DENND1A: variants seen among roughly 807,000 people sequenced by gnomAD.
The protein encoded by DENND1A is DENN domain-containing protein 1A.
Under a neutral mutation model 113.7 loss-of-function variants are expected in DENND1A, and 51 were observed. The observed-to-expected ratio is 0.45, with a 90% CI of 0.36 to 0.57. The LOEUF is 0.57. Among genes scored for constraint, DENND1A ranks in the 20% least tolerant of loss-of-function variants. The pLI is 0.00. For missense variants in DENND1A, 1,258 were observed against 1,395.9 expected (o/e 0.90, Z 1.57); for synonymous variants, 565 against 570.8 (o/e 0.99, Z 0.14).
intron 11 of DENND1A, among the ~76,000 whole-genome samples, chr9:123,593,052 ATG>A (rs2059531499): frequency 6.6e-6 from 1 of 152,192 alleles, no homozygotes; most frequent in South Asian, 2.1e-4. Context: ...CTGTTAGAAA[ATG>A]TGTTTGTGAA....
At chr9:123,770,431 A>G (rs1381655110) in intron 3 of DENND1A, among the ~76,000 whole-genome samples, 1 of 152,226 alleles carries the variant, frequency 6.6e-6, no homozygotes, top group East Asian at 1.9e-4. Context: ...ACAGTGGTGT[A>G]TAACTTTCCC....
chr9:123,494,721 T>G (rs1564596699), intron 13 of DENND1A, among the ~76,000 whole-genome samples: 1 of 152,154 alleles, frequency 6.6e-6, no homozygotes. Flanking sequence ...AACTATTCAA[T>G]AAGCTCCTAA....
At chr9:123,807,745 T>C (rs73666291) in intron 2 of DENND1A, among the ~76,000 whole-genome samples, 11,684 of 152,276 alleles carry the variant, frequency 0.077, 904 homozygotes, top group African/African-American at 0.2. Flanking sequence ...CTTCATGGAA[T>C]GCCTATTCTG....
In DENND1A at chr9:123,449,833, G is replaced by A. The variant is rs1020345338; in HGVS notation, c.1356+860C>T. Among the ~76,000 whole-genome samples the A allele has an allele frequency of 3.9e-5, 6 of 152,132 alleles. No homozygotes were observed. In the East Asian group the frequency reaches 5.8e-4, roughly 15 times the overall value. On this transcript the variant is annotated intron_variant, in intron 18 of 23. Transcript: ENST00000394215. ...ATAAGAATGAGACAATAGACTTTGC[G>A]GACTCGGGGAAAGGCTGGGAAGGGG...
chr9:123,884,005 A>T (rs1848669534), intron 1 of DENND1A, among the ~76,000 whole-genome samples: 1 of 152,214 alleles, frequency 6.6e-6, no homozygotes, highest in Non-Finnish European at 1.5e-5. Context: ...CAAGTTATGT[A>T]ACATACCAAC....
chr9:123,536,374 G>T (rs2055770513), intron 13 of DENND1A, among the ~76,000 whole-genome samples: 1 of 151,524 alleles, frequency 6.6e-6, no homozygotes, highest in Non-Finnish European at 1.5e-5. Context: ...GGAGGCTGAG[G>T]CAGGAGAATT....
intron 9 of DENND1A, among the ~76,000 whole-genome samples, chr9:123,638,230 C>G (rs1225457100): frequency 6.6e-6 from 1 of 152,108 alleles, no homozygotes; most frequent in African/African-American, 2.4e-5. Context: ...AAAGCAGAAG[C>G]AGAAAACCAT....
At chr9:123,927,790 A>G (rs1214682679) in intron 1 of DENND1A, among the ~76,000 whole-genome samples, 2 of 152,130 alleles carry the variant, frequency 1.3e-5, no homozygotes, top group Non-Finnish European at 2.9e-5. Flanking sequence ...CTTAGATTTC[A>G]CCACAGCCAG....
rs943220435 is a variant in DENND1A at position 123,810,820 on chromosome 9, G to A, written c.89-18190C>T. Among the ~76,000 whole-genome samples, 15 of 149,800 alleles carry A rather than the reference G, an allele frequency of 1.0e-4. 1 individual carries two copies. The highest frequency in any genetic ancestry group is 1.0e-3 in the Admixed American group (15 of 15,016). On this transcript the variant is annotated intron_variant, in intron 2 of 23. Transcript: ENST00000394215. ...GTCACCCAGGCTGGAGTGCAGTGGT[G>A]CAATCTTGGCTCACTGCAACCTCTG... is the stretch of plus-strand genomic sequence containing the variant.
intron 10 of DENND1A, among the ~76,000 whole-genome samples, chr9:123,627,104 G>A (rs946364076): frequency 5.3e-5 from 8 of 152,174 alleles, no homozygotes; most frequent in African/African-American, 9.7e-5. Context: ...GAGGGCTCAG[G>A]GGTGACTGCA....
intron 2 of DENND1A, among the ~76,000 whole-genome samples, chr9:123,853,188 G>A (rs1843637435): frequency 6.6e-6 from 1 of 151,358 alleles, no homozygotes; most frequent in Non-Finnish European, 1.5e-5. Context: ...AAAGTGCTGG[G>A]ATTACAGGCA....
chr9:123,820,688 T>C (rs920609334), intron 2 of DENND1A, among the ~76,000 whole-genome samples: 2 of 152,230 alleles, frequency 1.3e-5, no homozygotes, highest in African/African-American at 4.8e-5. Context: ...AACTAAAAAT[T>C]AAATTTTTTT....
rs2061414661 is a variant in DENND1A, at chr9:123,630,204, C to CCTTT, written c.719+171_719+172insAAAG. Reference sequence around the variant, plus strand: ...TACAGATATGTGCCACCATGACTGGCTTTTTTTTTTTTTTTTTTTTTTGTA... The same window carrying CCTTT: ...TACAGATATGTGCCACCATGACTGGCCTTTTTTTTTTTTTTTTTTTTTTTTTGTA... On this transcript the variant is annotated intron_variant, in intron 10 of 23. Coordinates refer to ENST00000394215, the MANE Select transcript of DENND1A (RefSeq NM_001352964.2). Among the ~76,000 whole-genome samples the CCTTT allele has an allele frequency of 3.2e-5, 3 of 94,068 alleles. 1 individual carries two copies. The highest frequency in any genetic ancestry group is 3.8e-5 in the Non-Finnish European group (2 of 52,404). The allele number at this position is 94,068 out of a possible 152,430, so 61.7% of individuals were successfully genotyped here.
chr9:123,553,438 C>T (rs978216677), intron 13 of DENND1A, among the ~76,000 whole-genome samples: 8 of 151,566 alleles, frequency 5.3e-5, no homozygotes, highest in East Asian at 3.9e-4. Context: ...GATTCTGATC[C>T]GCGGCCAGGG....
chr9:123,468,512 T>G (rs1383307796), intron 13 of DENND1A, among the ~76,000 whole-genome samples: 1 of 152,194 alleles, frequency 6.6e-6, no homozygotes, highest in East Asian at 1.9e-4. Flanking sequence ...TTGGCCCTAT[T>G]TCTCACCAGC....
chr9:123,727,448 C>A (rs1232202864), intron 5 of DENND1A, among the ~76,000 whole-genome samples: 1 of 152,148 alleles, frequency 6.6e-6, no homozygotes, highest in Non-Finnish European at 1.5e-5. Flanking sequence ...AAATCTAACC[C>A]ACCTATCCAG....
intron 5 of DENND1A, among the ~76,000 whole-genome samples, chr9:123,698,674 T>G (rs542777183): frequency 6.6e-6 from 1 of 152,342 alleles, no homozygotes; most frequent in East Asian, 1.9e-4. Context: ...TCCCTTAGAT[T>G]CGTTCCCCAG....
chr9:123,485,094 T>C (rs1163071233), intron 13 of DENND1A, among the ~76,000 whole-genome samples: 1 of 152,222 alleles, frequency 6.6e-6, no homozygotes, highest in Non-Finnish European at 1.5e-5. Context: ...GGGCAGGAGC[T>C]GCACTTCTGC....
In DENND1A at chr9:123,792,611, T is replaced by C. The variant is rs139264629; in HGVS notation, c.108A>G (p.Gln36=). The change falls in exon 3 of 24, where the codon CAA becomes CAG. Residue 36 remains glutamine, a synonymous_variant. Coordinates refer to ENST00000394215, the MANE Select transcript of DENND1A (RefSeq NM_001352964.2). The part of the protein sequence containing the change: ...GTLSDPEVQR[Q]FPEDYSDQEV... The stretch of plus-strand genomic sequence containing the variant: ...CCTGGTCACTGTAGTCCTCCGGGAA[T>C]TGCCTCTGCACCTCAGGATCTGTAA... The C allele has an allele frequency of 5.4e-4, 871 of 1,613,076 alleles. 3 individuals carry two copies. Among genetic ancestry groups the C allele is most frequent in the Middle Eastern group, 4.9e-4 (3 of 6,062 alleles).
Sources: gnomAD v4.1 joint callset for allele counts (sites outside exome capture counted in the v4.1 genomes callset) on GRCh38, gnomAD v4.1.1 for gene constraint, MANE v1.5 for transcripts, NCBI Gene and HGNC (gene_info 2026-07-23, HGNC 2026-07-21) for gene names.